CTH: variants seen among roughly 807,000 people sequenced by gnomAD.
CTH encodes cystathionine gamma-lyase.
Under a neutral mutation model 50.6 loss-of-function variants are expected in CTH, and 41 were observed. That is an observed-to-expected ratio of 0.81 (90% confidence interval 0.63 to 1.05). The LOEUF is 1.05. Among genes scored for constraint, CTH ranks in the 50% least tolerant of loss-of-function variants. The probability of loss-of-function intolerance (pLI) is 0.00; values close to 1 mark genes in which losing one functional copy is unlikely to be tolerated. For missense variants in CTH, 470 were observed against 492.6 expected (o/e 0.95, Z 0.43); for synonymous variants, 156 against 168.9 (o/e 0.92, Z 0.59).
At chr1:70,415,404 TA>T (rs796867852) in intron 1 of CTH, among the ~76,000 whole-genome samples, 14 of 146,298 alleles carry the variant, frequency 9.6e-5, no homozygotes, top group South Asian at 4.3e-4. Context: ...GTCCTATCCT[TA>T]AAAAAAAAAA....
At chr1:70,426,741 A>G (rs1223309399) in intron 5 of CTH, among the ~76,000 whole-genome samples, 2 of 152,054 alleles carry the variant, frequency 1.3e-5, no homozygotes, top group Admixed American at 1.3e-4. Context: ...GGCATCTTCT[A>G]TTTGTCCCAG....
At chr1:70,420,409 T>C (rs1304744271) in intron 3 of CTH, among the ~76,000 whole-genome samples, 1 of 152,120 alleles carries the variant, frequency 6.6e-6, no homozygotes, top group Non-Finnish European at 1.5e-5. Context: ...GAGCATGCAA[T>C]CTAGATCCCT....
At chr1:70,413,753 T>G (rs941058038) in intron 1 of CTH, among the ~76,000 whole-genome samples, 5 of 149,392 alleles carry the variant, frequency 3.3e-5, no homozygotes, top group African/African-American at 1.2e-4. Context: ...TTTTTTTTTT[T>G]TTTTTTGAGA....
At position 70,411,711 on chromosome 1, in the gene CTH, T is replaced by C. The variant is rs892148241; in HGVS notation, c.168+128T>C. On this transcript the variant is annotated intron_variant, in intron 1 of 11. Transcript: ENST00000370938. ...TAGGAAGGCAACCGAAAGATGTTTC[T>C]ACACTGTAATTCTTGCAGCACAGCT... is the stretch of plus-strand genomic sequence containing the variant. 4.8e-6 allele frequency: 7 copies of C among 1,446,450 alleles called. No homozygotes were observed. In the East Asian group the frequency reaches 1.5e-4, roughly 31 times the overall value. 89.6% of individuals were successfully genotyped at this position (1,446,450 alleles called of 1,614,324 possible).
chr1:70,417,087 G>C (rs772276448), intron 2 of CTH, among the ~76,000 whole-genome samples: 5 of 151,996 alleles, frequency 3.3e-5, no homozygotes, highest in Non-Finnish European at 7.4e-5. Context: ...CTGATAATGT[G>C]CTGTCAGAGA....
chr1:70,423,407 A>AAAT (rs200726552), intron 4 of CTH, among the ~76,000 whole-genome samples: 1 of 151,642 alleles, frequency 6.6e-6, no homozygotes, highest in African/African-American at 2.4e-5. Flanking sequence ...AAAAAAAAAA[A>AAAT]AATAATAATA....
intron 8 of CTH, among the ~76,000 whole-genome samples, chr1:70,433,241 C>T (rs192604308): frequency 1.7e-3 from 260 of 151,990 alleles, no homozygotes; most frequent in East Asian, 7.4e-3. Flanking sequence ...GAAACCAAAG[C>T]GAAATACATA....
intron 7 of CTH, 133 bp downstream of exon 7, chr1:70,430,527 T>C: frequency 1.7e-6 from 1 of 594,510 alleles, no homozygotes. Flanking sequence ...GGAGAAAAAT[T>C]CTGATTTTTT....
chr1:70,419,462 T>C (rs1179530897), intron 3 of CTH, among the ~76,000 whole-genome samples: 3 of 152,296 alleles, frequency 2.0e-5, no homozygotes, highest in Non-Finnish European at 2.9e-5. Context: ...TGTTCCTATT[T>C]CTCCACAACC....
rs13374865 is a variant in CTH, at chr1:70,413,265, T to C, written c.168+1682T>C. The stretch of plus-strand genomic sequence containing the variant: ...AGCCTCTCTTTCTTTCTTTCTTTTT[T>C]TTTTTTTTTTATTTTTCAGAGAGAG... On this transcript the variant is annotated intron_variant, in intron 1 of 11. Transcript: ENST00000370938. Among the ~76,000 whole-genome samples, 404 of 151,490 alleles carry C rather than the reference T, an allele frequency of 2.7e-3. 2 individuals are homozygous for C. The highest frequency in any genetic ancestry group is 8.3e-3 in the African/African-American group (344 of 41,316).
At chr1:70,425,341 A>G (rs1361680470) in intron 5 of CTH, among the ~76,000 whole-genome samples, 1 of 152,208 alleles carries the variant, frequency 6.6e-6, no homozygotes, top group Non-Finnish European at 1.5e-5. Flanking sequence ...ACAGCAATTT[A>G]TTTCTCACAG....
chr1:70,432,682 CTTTTTT>C (rs10607278), intron 8 of CTH, among the ~76,000 whole-genome samples: 1 of 89,866 alleles, frequency 1.1e-5, no homozygotes. Context: ...CTCTCTCTCT[CTTTTTT>C]TTTTTTTTTT....
intron 2 of CTH, 133 bp from the exon 3 acceptor site, chr1:70,417,804 A>T (rs1572254078): frequency 1.2e-6 from 1 of 821,262 alleles, no homozygotes; most frequent in Non-Finnish European, 2.0e-6. Flanking sequence ...TAATGGTATT[A>T]ATCAGGGGCC....
chr1:70,439,226 G>A lies in CTH; in HGVS notation c.*99G>A. On this transcript the variant is annotated 3_prime_UTR_variant, in exon 12 of 12. Coordinates refer to ENST00000370938, the MANE Select transcript of CTH (RefSeq NM_001902.6). ...TGAGCCTTTGCAAAATTTTCAAGCG[G>A]AAATTTTAAGGCACCTCATTATCTT... 9.2e-7 allele frequency: 1 copy of A among 1,082,716 alleles called. No homozygotes were observed. The highest frequency in any genetic ancestry group is 1.4e-6 in the Non-Finnish European group (1 of 698,552). 67.1% of individuals were successfully genotyped at this position (1,082,716 alleles called of 1,614,324 possible).
At chr1:70,422,046 C>T (rs537923635) in intron 4 of CTH, among the ~76,000 whole-genome samples, 1 of 152,270 alleles carries the variant, frequency 6.6e-6, no homozygotes, top group Non-Finnish European at 1.5e-5. Context: ...TTCCTGGATA[C>T]ATGGTAATTG....
At position 70,416,092 on chromosome 1, in the gene CTH, C is replaced by A; in HGVS notation, c.250+55C>A. 3.9e-6 allele frequency: 4 copies of A among 1,025,298 alleles called. No homozygotes were observed. The South Asian group carries it at 5.1e-5, about 13-fold the overall frequency. The allele number at this position is 1,025,298 out of a possible 1,614,324, so 63.5% of individuals were successfully genotyped here. ...TCTATTTTTAAATGTATAGAGAAAA[C>A]CATAGAGGCACAGAATGTGGAACTG... On this transcript the variant is annotated intron_variant, in intron 2 of 11. Coordinates refer to ENST00000370938, the MANE Select transcript of CTH (RefSeq NM_001902.6).
At chr1:70,430,545 T>C (rs537936116) in intron 7 of CTH, 151 bp downstream of exon 7, 2 of 559,620 alleles carry the variant, frequency 3.6e-6, no homozygotes, top group South Asian at 4.6e-5. Flanking sequence ...TTTTTATTTA[T>C]TAATTTTTTT....
intron 1 of CTH, among the ~76,000 whole-genome samples, chr1:70,413,259 C>CTTTTTTTTTTTTTT (rs11295998): frequency 1.4e-5 from 2 of 139,194 alleles, no homozygotes; most frequent in Admixed American, 7.3e-5. Flanking sequence ...TTCTTTCTTT[C>CTTTTTTTTTTTTTT]TTTTTTTTTT....
At chr1:70,429,723 T>A in intron 5 of CTH, 71 bp from the exon 6 acceptor site, 2 of 1,065,744 alleles carry the variant, frequency 1.9e-6, no homozygotes, top group Non-Finnish European at 2.9e-6. Flanking sequence ...AATTTATAAT[T>A]GCAAATAGGC....
Sources: allele counts gnomAD v4.1 joint callset (sites outside exome capture counted in the v4.1 genomes callset), GRCh38; gene constraint gnomAD v4.1.1; transcripts MANE v1.5; gene names NCBI Gene and HGNC (gene_info 2026-07-23, HGNC 2026-07-21).